MTUS1: variants seen among roughly 807,000 people sequenced by gnomAD.
The protein encoded by MTUS1 is microtubule associated scaffold protein 1.
MTUS1 carries 109 observed loss-of-function variants against 120.8 expected under a neutral mutation model. The ratio of observed to expected loss-of-function variants is 0.90; its 90% CI spans 0.77 to 1.06. The LOEUF is 1.06. MTUS1 is among the 50% of genes least tolerant of loss of function. The probability of loss-of-function intolerance (pLI) is 0.00; values close to 1 mark genes in which losing one functional copy is unlikely to be tolerated. For missense variants in MTUS1, 2,210 were observed against 1,486.3 expected, an observed-to-expected ratio of 1.49 and a Z score of -8.01; for synonymous variants, 737 against 550.5, an observed-to-expected ratio of 1.34 and a Z score of -4.74.
At chr8:17,745,082 C>G (rs1352195805) in intron 2 of MTUS1, among the ~76,000 whole-genome samples, 1 of 152,172 alleles carries the variant, frequency 6.6e-6, no homozygotes, top group Non-Finnish European at 1.5e-5. Flanking sequence ...CAGAATAAGT[C>G]TCTTCAAATG....
intron 1 of MTUS1, among the ~76,000 whole-genome samples, chr8:17,766,639 G>C (rs2049521239): frequency 6.6e-6 from 1 of 152,216 alleles, no homozygotes; most frequent in African/African-American, 2.4e-5. Context: ...GCCTGTGTAA[G>C]AAAGTATTGT....
intron 6 of MTUS1, among the ~76,000 whole-genome samples, chr8:17,686,324 G>A (rs950437526): frequency 6.6e-6 from 1 of 152,184 alleles, no homozygotes; most frequent in Non-Finnish European, 1.5e-5. Context: ...AAATATTTAT[G>A]CAACAAATGT....
At chr8:17,772,488 G>C (rs1028524796) in intron 1 of MTUS1, among the ~76,000 whole-genome samples, 1 of 152,030 alleles carries the variant, frequency 6.6e-6, no homozygotes, top group Non-Finnish European at 1.5e-5. Context: ...TAATTATCTG[G>C]TCCTGCTTCC....
intron 1 of MTUS1, among the ~76,000 whole-genome samples, chr8:17,764,860 T>C (rs147825160): frequency 1.2e-3 from 176 of 152,304 alleles, no homozygotes; most frequent in African/African-American, 2.6e-3. Context: ...ACTGGTTTCA[T>C]GGGAGACAAC....
intron 3 of MTUS1, chr8:17,724,113 G>T: frequency 1.9e-6 from 1 of 537,038 alleles, no homozygotes; most frequent in Non-Finnish European, 3.5e-6. Context: ...CATGTTCTCT[G>T]AAGGAGATGA....
chr8:17,793,937 T>C (rs2052006517), intron 1 of MTUS1, among the ~76,000 whole-genome samples: 1 of 152,196 alleles, frequency 6.6e-6, no homozygotes, highest in South Asian at 2.1e-4. Context: ...TTGGGGTTTC[T>C]CTGACTCCTC....
chr8:17,666,409 A>C (rs1217296326), intron 8 of MTUS1, among the ~76,000 whole-genome samples: 1 of 152,170 alleles, frequency 6.6e-6, no homozygotes, highest in Admixed American at 6.5e-5. Flanking sequence ...TGTAAAATTT[A>C]AAAGCTTATT....
chr8:17,708,649 C>T (rs1202804557), intron 6 of MTUS1: 1 of 151,966 alleles, frequency 6.6e-6, no homozygotes, highest in Non-Finnish European at 1.5e-5. Context: ...ATCTTTTTTC[C>T]CCAGATATTA....
rs116878244 is a variant in MTUS1 at position 17,789,211 on chromosome 8, T to C, written c.-155+11850A>G. 8.8e-3 allele frequency among the ~76,000 whole-genome samples: 1,337 copies of C among 152,244 alleles called. 8 individuals carry two copies. Among genetic ancestry groups the C allele is most frequent in the Non-Finnish European group, 0.015 (993 of 68,014 alleles). ...CCTCACCTGGCTACTTTTGTAATTT[T>C]AGTAGATACAGGGTTTCTCCATTTG... is the stretch of plus-strand genomic sequence containing the variant. On this transcript the variant is annotated intron_variant, in intron 1 of 14. Coordinates refer to ENST00000693296, the MANE Select transcript of MTUS1 (RefSeq NM_001363059.2).
At chr8:17,744,131 A>T (rs1280890468) in intron 2 of MTUS1, among the ~76,000 whole-genome samples, 2 of 152,176 alleles carry the variant, frequency 1.3e-5, no homozygotes, top group Non-Finnish European at 2.9e-5. Context: ...TTTTACCCCA[A>T]AATATTTTTC....
intron 4 of MTUS1, among the ~76,000 whole-genome samples, chr8:17,720,048 G>A (rs2045705503): frequency 1.3e-5 from 2 of 152,130 alleles, no homozygotes; most frequent in African/African-American, 4.8e-5. Flanking sequence ...TGAGTTAGTA[G>A]GAAAACTACG....
At chr8:17,657,872 T>C (rs905629816) in intron 8 of MTUS1, among the ~76,000 whole-genome samples, 9 of 151,102 alleles carry the variant, frequency 6.0e-5, no homozygotes, top group African/African-American at 1.9e-4. Flanking sequence ...TAGGTACATA[T>C]GTGCACGTAT....
chr8:17,722,305 A>G (rs183710354), intron 4 of MTUS1: 1 of 973,926 alleles, frequency 1.0e-6, no homozygotes, highest in African/African-American at 1.7e-5. Flanking sequence ...AAGTGCCACA[A>G]ATTCTGTTGC....
At chr8:17,677,973 T>C (rs747345348) in intron 7 of MTUS1, among the ~76,000 whole-genome samples, 14 of 152,212 alleles carry the variant, frequency 9.2e-5, no homozygotes, top group Non-Finnish European at 1.8e-4. Context: ...GCATGGGGCC[T>C]ACCTAGAACT....
At chr8:17,742,162 C>T (rs1369910017) in intron 3 of MTUS1, among the ~76,000 whole-genome samples, 1 of 152,056 alleles carries the variant, frequency 6.6e-6, no homozygotes, top group Non-Finnish European at 1.5e-5. Context: ...ATGATCATAG[C>T]TCACTGCAGC....
chr8:17,701,978 A>C (rs1819191106), intron 6 of MTUS1, among the ~76,000 whole-genome samples: 1 of 152,254 alleles, frequency 6.6e-6, no homozygotes, highest in South Asian at 2.1e-4. Flanking sequence ...GGATTAAATA[A>C]GCATTTATAT....
intron 8 of MTUS1, among the ~76,000 whole-genome samples, chr8:17,663,172 G>C (rs1472194882): frequency 2.0e-5 from 3 of 152,222 alleles, no homozygotes; most frequent in African/African-American, 4.8e-5. Context: ...CTGGAAAACA[G>C]AGCTGGAGTC....
At chr8:17,789,197 T>A (rs1053647641) in intron 1 of MTUS1, among the ~76,000 whole-genome samples, 12 of 152,240 alleles carry the variant, frequency 7.9e-5, no homozygotes, top group African/African-American at 2.9e-4. Context: ...CTCACCTGGC[T>A]ACTTTTGTAA....
At position 17,753,763 on chromosome 8, in the gene MTUS1, T is replaced by C. The variant is rs1444425958; in HGVS notation, c.2045A>G (p.Lys682Arg). The C allele has an allele frequency of 6.2e-7, 1 of 1,612,802 alleles. No individual in the cohort carries two copies. Among genetic ancestry groups the C allele is most frequent in the Admixed American group, 1.7e-5 (1 of 59,786 alleles). Residue 682 changes from lysine to arginine, a missense_variant, in exon 2 of 15, where the codon AAA becomes AGA. Coordinates refer to ENST00000693296, the MANE Select transcript of MTUS1 (RefSeq NM_001363059.2). ...NGTSMEKQELKQEIMNETFEY... is the reference protein window; with the variant it reads ...NGTSMEKQELRQEIMNETFEY... ...AAAAGTCTCATTCATAATCTCTTGT[T>C]TCAGCTCTTGTTTTTCCATAGATGT...
Sources: gnomAD v4.1 joint callset for allele counts (sites outside exome capture counted in the v4.1 genomes callset) on GRCh38, gnomAD v4.1.1 for gene constraint, MANE v1.5 for transcripts, NCBI Gene and HGNC (gene_info 2026-07-23, HGNC 2026-07-21) for gene names.